CDC25B: variants seen among roughly 807,000 people sequenced by gnomAD.
The protein encoded by CDC25B is cell division cycle 25B, also known as M-phase inducer phosphatase 2.
In CDC25B, 33 loss-of-function variants were observed where a neutral mutation model predicts 69.8. The observed-to-expected ratio is 0.47, with a 90% CI of 0.36 to 0.63. The LOEUF is 0.63. Ranked by LOEUF, CDC25B falls within the 30% of genes least tolerant of loss-of-function variation. The pLI is 0.00. For synonymous variants in CDC25B, 341 were observed against 314.6 expected (o/e 1.08, Z -0.89); for missense variants, 727 against 809.1 (o/e 0.90, Z 1.23).
intron 1 of CDC25B, 78 bp downstream of exon 1, chr20:3,796,809 TGGTAGTCGAATCCAGGA>T: frequency 6.1e-6 from 9 of 1,480,492 alleles, no homozygotes; most frequent in Non-Finnish European, 7.1e-6. Context: ...GAACTGGGCA[TGGTAGTCGAATCCAGGA>T]GGTGGAGTCC....
chr20:3,793,822 T>C (rs1360296962), upstream of CDC25B, among the ~76,000 whole-genome samples: 5 of 146,992 alleles, frequency 3.4e-5, no homozygotes, highest in African/African-American at 1.3e-4. Flanking sequence ...ATTGTTCAAT[T>C]CCCACCTATG....
Position 3,803,645 on chromosome 20 carries a change from C to T in CDC25B, c.1490+108C>T, listed in dbSNP as rs893588116. On this transcript the variant is annotated intron_variant, in intron 14 of 15. Transcript: ENST00000245960. The surrounding 1 kb of genome is among the most constrained non-coding windows in gnomAD (Gnocchi z 4.9). Reference sequence around the variant, plus strand: ...GGCCAGGGGTGCAAGTCCAGGTCCTCCTCTGTCCCATCTGATGGCCTAGAG... The same window carrying T: ...GGCCAGGGGTGCAAGTCCAGGTCCTTCTCTGTCCCATCTGATGGCCTAGAG... The T allele has an allele frequency of 1.4e-6, 2 of 1,413,488 alleles. No individual in the cohort carries two copies. Among genetic ancestry groups the T allele is most frequent in the South Asian group, 2.5e-5 (2 of 81,584 alleles). 87.6% of individuals were successfully genotyped at this position (1,413,488 alleles called of 1,614,324 possible). A position where few individuals can be genotyped will look rare whatever the true frequency, so the allele number is the denominator to read the frequency against.
In CDC25B at chr20:3,803,146, G is replaced by A. The variant is rs758180796; in HGVS notation, c.1296G>A (p.Val432=). The change falls in exon 13 of 16, where the codon GTG becomes GTA. Residue 432 remains valine (V), a synonymous_variant. Coordinates refer to ENST00000245960, the MANE Select transcript of CDC25B (RefSeq NM_021873.4). The surrounding 1 kb of genome is among the most constrained non-coding windows in gnomAD (Gnocchi z 4.9). ...TGACGGGCAAGTTCAGCAACATCGT[G>A]GATAAGTTTGTGATTGTAGACTGCA... is the stretch of plus-strand genomic sequence containing the variant. The part of the protein sequence containing the change: ...ALLTGKFSNI[V]DKFVIVDCRY... 6.8e-6 allele frequency: 11 copies of A among 1,613,960 alleles called. No homozygotes were observed. Among genetic ancestry groups the A allele is most frequent in the Admixed American group, 1.7e-5 (1 of 59,982 alleles).
chr20:3,797,832 G>C, intron 2 of CDC25B, 83 bp downstream of exon 2: 1 of 1,535,876 alleles, frequency 6.5e-7, no homozygotes, highest in Non-Finnish European at 8.9e-7. Context: ...TTTCCCTGCC[G>C]ATCAAACTAA....
chr20:3,802,843 CT>C, intron 11 of CDC25B, 66 bp from the exon 12 acceptor site: 1 of 1,335,192 alleles, frequency 7.5e-7, no homozygotes, highest in Non-Finnish European at 1.1e-6. Context: ...AAACTTCATT[CT>C]TTGAGGCTCC....
upstream of CDC25B, among the ~76,000 whole-genome samples, chr20:3,793,469 A>G (rs1453215110): frequency 6.6e-6 from 1 of 151,562 alleles, no homozygotes; most frequent in Non-Finnish European, 1.5e-5. Flanking sequence ...ACAAACAAAC[A>G]AAAAAACCCA....
chr20:3,789,995 A>C (rs1397812202), intron 1 of CDC25B, among the ~76,000 whole-genome samples: 1 of 151,986 alleles, frequency 6.6e-6, no homozygotes, highest in Non-Finnish European at 1.5e-5. Flanking sequence ...TCTCAAAAAA[A>C]AAAAAAATTA....
At chr20:3,787,207 A>T in intron 1 of CDC25B, 1 of 635,014 alleles carries the variant, frequency 1.6e-6, no homozygotes, top group Non-Finnish European at 2.8e-6. Flanking sequence ...TTAAAAATTT[A>T]TTATATAAAA....
upstream of CDC25B, among the ~76,000 whole-genome samples, chr20:3,794,338 T>A (rs2088972012): frequency 6.6e-6 from 1 of 151,698 alleles, no homozygotes; most frequent in South Asian, 2.1e-4. Flanking sequence ...TTTGCATTTC[T>A]CTGATGGCCA....
chr20:3,796,563 G>A lies in CDC25B; in HGVS notation c.32G>A (p.Gly11Asp). The stretch of plus-strand genomic sequence containing the variant: ...GTGCCCCAGCCGGAGCCCGCGCCAG[G>A]CTCGGCTCTCAGTCCAGCAGGCGTG... MEVPQPEPAP[G>D]SALSPAGVCG... The change falls in exon 1 of 16, where the codon GGC becomes GAC. Residue 11 changes from glycine (G) to aspartate (D), a missense_variant. Physicochemically the swap from Gly to Asp is moderately conservative, Grantham distance 94. Coordinates refer to ENST00000245960, the MANE Select transcript of CDC25B (RefSeq NM_021873.4). 1.4e-6 allele frequency: 2 copies of A among 1,475,862 alleles called. No individual in the cohort carries two copies. The highest frequency in any genetic ancestry group is 2.6e-5 in the South Asian group (2 of 75,824). 91.4% of individuals were successfully genotyped at this position (1,475,862 alleles called of 1,614,324 possible). A position where few individuals can be genotyped will look rare whatever the true frequency, so the allele number is the denominator to read the frequency against.
chr20:3,793,780 T>G (rs2088957912), upstream of CDC25B, among the ~76,000 whole-genome samples: 1 of 125,716 alleles, frequency 8.0e-6, no homozygotes, highest in Non-Finnish European at 1.6e-5. Flanking sequence ...CCCCAGAGTG[T>G]GATGTTCCCC....
intron 1 of CDC25B, among the ~76,000 whole-genome samples, chr20:3,789,600 A>G (rs992827157): frequency 6.6e-6 from 1 of 152,076 alleles, no homozygotes; most frequent in Non-Finnish European, 1.5e-5. Context: ...CAAACTCCTG[A>G]CCTCAAGTGA....
chr20:3,802,308 C>T lies in CDC25B; in HGVS notation c.1126C>T (p.Leu376=), dbSNP rs763915479. Residue 376 remains leucine, a synonymous_variant, in exon 11 of 16, where the codon CTG becomes TTG. Coordinates refer to ENST00000245960, the MANE Select transcript of CDC25B (RefSeq NM_021873.4). ...PKARVLRSKS[L]CHDEIENLLD... is the part of the protein sequence containing the mutation. The stretch of plus-strand genomic sequence containing the variant: ...AGCCCGCGTCCTCCGCTCAAAATCA[C>T]TGTGTCACGATGAGATCGAGAACCT... 4 of 1,610,768 alleles carry T rather than the reference C, an allele frequency of 2.5e-6. No homozygotes were observed. In the South Asian group the frequency reaches 4.4e-5, roughly 18 times the overall value.
upstream of CDC25B, among the ~76,000 whole-genome samples, chr20:3,794,271 A>C (rs1568500392): frequency 6.6e-6 from 1 of 150,994 alleles, no homozygotes; most frequent in Non-Finnish European, 1.5e-5. Flanking sequence ...TTGTTTCCTG[A>C]CTTTTTAATG....
At position 3,796,608 on chromosome 20, in the gene CDC25B, C is replaced by T. The variant is rs765859923; in HGVS notation, c.77C>T (p.Pro26Leu). Residue 26 changes from proline to leucine, a missense_variant, in exon 1 of 16, where the codon CCG (proline) becomes CTG (leucine). Pro to Leu is a moderately conservative substitution (Grantham distance 98, BLOSUM62 -3). Coordinates refer to ENST00000245960, the MANE Select transcript of CDC25B (RefSeq NM_021873.4). The part of the protein sequence containing the change: ...PAGVCGGAQR[P>L]GHLPGLLLGS... ...GGCGTGTGCGGTGGCGCCCAGCGTC[C>T]GGGCCACCTCCCGGGCCTCCTGCTG... 2 of 1,441,100 alleles carry T rather than the reference C, an allele frequency of 1.4e-6. No homozygotes were observed. Among genetic ancestry groups the T allele is most frequent in the African/African-American group, 1.5e-5 (1 of 67,152 alleles). 89.3% of individuals were successfully genotyped at this position (1,441,100 alleles called of 1,614,324 possible). A position where few individuals can be genotyped will look rare whatever the true frequency, so the allele number is the denominator to read the frequency against.
At chr20:3,792,388 A>G (rs1373911424), upstream of CDC25B, among the ~76,000 whole-genome samples, 1 of 152,128 alleles carries the variant, frequency 6.6e-6, no homozygotes, top group Non-Finnish European at 1.5e-5. Context: ...CAGTGGTGGA[A>G]TTATGGCTCA....
chr20:3,798,549 C>T, intron 3 of CDC25B, 86 bp downstream of exon 3: 1 of 1,119,050 alleles, frequency 8.9e-7, no homozygotes, highest in South Asian at 1.5e-5. Context: ...ACCCGGGAGG[C>T]CTGGGAAAGC....
intron 5 of CDC25B, 103 bp from the exon 6 acceptor site, chr20:3,800,640 A>G: frequency 6.3e-7 from 1 of 1,588,776 alleles, no homozygotes; most frequent in Non-Finnish European, 8.6e-7. Flanking sequence ...GTAGGTAGGT[A>G]AGTGGGAGGA....
In CDC25B at chr20:3,804,846, G is replaced by A. The variant is rs1287808358; in HGVS notation, c.1628G>A (p.Arg543Gln). 4 of 1,614,146 alleles carry A rather than the reference G, an allele frequency of 2.5e-6. No homozygotes were observed. Among genetic ancestry groups the A allele is most frequent in the East Asian group, 2.2e-5 (1 of 44,872 alleles). ...AACTTCTGTGAACCCCAGGACTACC[G>A]GCCCATGAACCACGAGGCCTTCAAG... ...HPNFCEPQDYRPMNHEAFKDE... is the reference protein window; with the variant it reads ...HPNFCEPQDYQPMNHEAFKDE... Residue 543 changes from arginine (R) to glutamine (Q), a missense_variant, in exon 16 of 16, where the codon CGG becomes CAG. Arg to Gln is a conservative substitution (Grantham distance 43). Around this residue, in one of 2 missense-constraint regions of CDC25B, gnomAD observed 359 missense variants for 463.4 expected, o/e 0.77. Coordinates refer to ENST00000245960, the MANE Select transcript of CDC25B (RefSeq NM_021873.4).
Sources: gnomAD v4.1 joint callset for allele counts (sites outside exome capture counted in the v4.1 genomes callset) on GRCh38, gnomAD v4.1.1 for gene constraint, gnomAD v4.1.1 regional missense constraint, Gnocchi (gnomAD v3.1) non-coding constraint, MANE v1.5 for transcripts, NCBI Gene and HGNC (gene_info 2026-07-23, HGNC 2026-07-21) for gene names.